The following SLC25A23 variants were observed in gnomAD, a reference collection of about 807,000 sequenced individuals.
SLC25A23 encodes the protein mitochondrial adenyl nucleotide antiporter SLC25A23.
SLC25A23 carries 32 observed loss-of-function variants against 53.9 expected under a neutral mutation model. That is an observed-to-expected ratio of 0.59 (90% CI 0.45 to 0.80). The LOEUF (loss-of-function observed/expected upper bound fraction) is 0.80. Among genes scored for constraint, SLC25A23 ranks in the 30% least tolerant of loss-of-function variants. The probability of loss-of-function intolerance (pLI) is 0.00; values close to 1 mark genes in which losing one functional copy is unlikely to be tolerated. For synonymous variants in SLC25A23, 275 were observed against 264.5 expected (o/e 1.04, Z -0.38); for missense variants, 575 against 651.4 (o/e 0.88, Z 1.28).
downstream of SLC25A23, chr19:6,438,773 T>C: frequency 3.0e-6 from 1 of 332,294 alleles, no homozygotes; most frequent in Non-Finnish European, 6.5e-6. Flanking sequence ...CGCTTGAACC[T>C]GGAAGGCAGA....
In SLC25A23 at chr19:6,454,418, G is replaced by T. The variant is rs776075903; in HGVS notation, c.700C>A (p.Leu234Ile). The stretch of plus-strand genomic sequence containing the variant: ...CACAGGGAGCGGATGCCTCCCTCAA[G>T]GACCATGCTTCGAAGCCCCCCAAGG... Reference protein sequence around the residue: ...NILGGLRSMVLEGGIRSLWRG... With the variant: ...NILGGLRSMVIEGGIRSLWRG... The change falls in exon 6 of 10, where the codon CTT becomes ATT. Residue 234 changes from leucine to isoleucine, a missense_variant. Physicochemically the swap from Leu to Ile is conservative, Grantham distance 5. Transcript: ENST00000301454. This position sits in a 1 kb window ranked among gnomAD's most constrained non-coding sequence, Gnocchi z 4.3. The T allele has an allele frequency of 1.9e-6, 3 of 1,614,060 alleles. No individual in the cohort carries two copies. Among genetic ancestry groups the T allele is most frequent in the Non-Finnish European group, 2.5e-6 (3 of 1,180,052 alleles).
At chr19:6,445,481 C>T (rs2092489839) in intron 8 of SLC25A23, among the ~76,000 whole-genome samples, 1 of 152,140 alleles carries the variant, frequency 6.6e-6, no homozygotes, top group Admixed American at 6.6e-5. Flanking sequence ...TTGGAAGATG[C>T]TATGCTACTG....
Position 6,458,321 on chromosome 19 carries a change from T to G in SLC25A23, c.160A>C (p.Ile54Leu). The change falls in exon 2 of 10, where the codon ATC (isoleucine) becomes CTC (leucine). Residue 54 changes from isoleucine (I) to leucine (L), a missense_variant. Transcript: ENST00000301454. Reference protein sequence around the residue: ...GNPDPGAQQGISSEGDADPDG... With the variant: ...GNPDPGAQQGLSSEGDADPDG... ...GGGTCAGCATCACCCTCAGAGGAGA[T>G]ACCCTGACAGAGGGAAAGGGGATAG... 1 of 1,612,492 alleles carries G rather than the reference T, an allele frequency of 6.2e-7. No homozygotes were observed. Among genetic ancestry groups the G allele is most frequent in the Non-Finnish European group, 8.5e-7 (1 of 1,179,812 alleles).
At chr19:6,436,204 CAGG>C, downstream of SLC25A23, 1 of 279,872 alleles carries the variant, frequency 3.6e-6, no homozygotes, top group Middle Eastern at 1.5e-3. Context: ...ATTAGGAACT[CAGG>C]AGCCGCTGAG....
At chr19:6,442,814 G>A (rs944480984) in intron 9 of SLC25A23, among the ~76,000 whole-genome samples, 1 of 152,052 alleles carries the variant, frequency 6.6e-6, no homozygotes, top group Non-Finnish European at 1.5e-5. Context: ...GCCTCCCAAA[G>A]TGCTGGGATT....
chr19:6,443,599 C>T (rs1233277729), intron 9 of SLC25A23: 6 of 702,730 alleles, frequency 8.5e-6, no homozygotes, highest in Non-Finnish European at 1.6e-5. Context: ...CTTCCTTCCT[C>T]TCCGGCCTGT....
At position 6,459,458 on chromosome 19, in the gene SLC25A23, T is replaced by C; in HGVS notation, c.156+15A>G. ...CGGGGCCGGGAGGGGAGGAGGTCCC[T>C]GGGGGTGGGGGTACCTGTTGGGCGC... On this transcript the variant is annotated intron_variant, in intron 1 of 9. Transcript: ENST00000301454. The surrounding 1 kb of genome is among the most constrained non-coding windows in gnomAD (Gnocchi z 4.6). 1.9e-6 allele frequency: 3 copies of C among 1,577,288 alleles called. No individual in the cohort carries two copies. The highest frequency in any genetic ancestry group is 2.6e-6 in the Non-Finnish European group (3 of 1,169,230).
At chr19:6,444,995 G>A (rs1211135542) in intron 8 of SLC25A23, among the ~76,000 whole-genome samples, 1 of 152,046 alleles carries the variant, frequency 6.6e-6, no homozygotes, top group African/African-American at 2.4e-5. Flanking sequence ...CAGAGATGGA[G>A]TGTCACTATG....
In SLC25A23 at chr19:6,452,654, G is replaced by T. The variant is rs1277772840; in HGVS notation, c.904-175C>A. On this transcript the variant is annotated intron_variant, in intron 7 of 9. Coordinates refer to ENST00000301454, the MANE Select transcript of SLC25A23 (RefSeq NM_024103.3). The stretch of plus-strand genomic sequence containing the variant: ...CCCCAAATCCCTATACCTAGAAATA[G>T]TTACACCTACCAAAGTGCACACATG... 5 of 675,864 alleles carry T rather than the reference G, an allele frequency of 7.4e-6. No individual in the cohort carries two copies. In the East Asian group the frequency reaches 1.2e-4, roughly 17 times the overall value. 41.9% of individuals were successfully genotyped at this position (675,864 alleles called of 1,614,324 possible).
chr19:6,459,470 T>C lies in SLC25A23; in HGVS notation c.156+3A>G. On this transcript the variant is annotated splice_donor_region_variant and intron_variant, in intron 1 of 9. Transcript: ENST00000301454. The surrounding 1 kb of genome is among the most constrained non-coding windows in gnomAD (Gnocchi z 4.6). ...GGGAGGAGGTCCCTGGGGGTGGGGGTACCTGTTGGGCGCCGGGGTCTGGGT... is the reference window on the plus strand; with the variant it reads ...GGGAGGAGGTCCCTGGGGGTGGGGGCACCTGTTGGGCGCCGGGGTCTGGGT... 6.3e-7 allele frequency: 1 copy of C among 1,583,642 alleles called. No individual in the cohort carries two copies. Among genetic ancestry groups the C allele is most frequent in the Non-Finnish European group, 8.5e-7 (1 of 1,172,478 alleles).
At chr19:6,438,850 CA>C (rs200860562), downstream of SLC25A23, 50 of 184,202 alleles carry the variant, frequency 2.7e-4, no homozygotes, top group South Asian at 6.9e-4. Context: ...ACTCCTATAT[CA>C]AAAAAAACAA....
rs747024230 is a variant in SLC25A23, at chr19:6,456,520, T to C, written c.383A>G (p.Asp128Gly). 1 of 1,609,014 alleles carries C rather than the reference T, an allele frequency of 6.2e-7. No homozygotes were observed. Among genetic ancestry groups the C allele is most frequent in the Non-Finnish European group, 8.5e-7 (1 of 1,177,878 alleles). ...AEKILHSMDR[D>G]GTMTIDWQEW... ...TTGCCAGTCAATGGTCATTGTGCCG[T>C]CTCGGTCCATGCTGGGGGGAAGAAA... Residue 128 changes from aspartate (D) to glycine (G), a missense_variant, in exon 4 of 10, where the codon GAC becomes GGC. Coordinates refer to ENST00000301454, the MANE Select transcript of SLC25A23 (RefSeq NM_024103.3).
Position 6,458,379 on chromosome 19 carries a change from G to A in SLC25A23, c.157-55C>T. The A allele has an allele frequency of 3.2e-6, 5 of 1,580,514 alleles. No homozygotes were observed. The South Asian group carries it at 4.5e-5, about 14-fold the overall frequency. ...TCCAGGAACCTGCTCCTGATCTGGA[G>A]GGGACGCATGTCACCTTATGCCTTA... On this transcript the variant is annotated intron_variant, in intron 1 of 9. Coordinates refer to ENST00000301454, the MANE Select transcript of SLC25A23 (RefSeq NM_024103.3).
At chr19:6,457,903 G>T (rs760941021) in intron 2 of SLC25A23, among the ~76,000 whole-genome samples, 1 of 152,106 alleles carries the variant, frequency 6.6e-6, no homozygotes, top group Non-Finnish European at 1.5e-5. Context: ...GCTATGAGGG[G>T]ATCTCTGTCC....
At chr19:6,451,769 T>C (rs1029496405) in intron 8 of SLC25A23, among the ~76,000 whole-genome samples, 5 of 151,302 alleles carry the variant, frequency 3.3e-5, no homozygotes, top group Admixed American at 1.3e-4. Flanking sequence ...TTAGAGACCG[T>C]GGCTGGGTCT....
At position 6,458,209 on chromosome 19, in the gene SLC25A23, C is replaced by T. The variant is rs549386407; in HGVS notation, c.272G>A (p.Arg91Gln). Residue 91 changes from arginine (R) to glutamine (Q), a missense_variant, in exon 2 of 10, where the codon CGG becomes CAG. Physicochemically the swap from Arg to Gln is conservative, Grantham distance 43 (BLOSUM62 1). Transcript: ENST00000301454. The stretch of plus-strand genomic sequence containing the variant: ...TCGCCCGACCTTACCATCCTGGTTC[C>T]GGTCAAGACTGTGAAACATGAGCAG... The part of the protein sequence containing the change: ...RLLLMFHSLD[R>Q]NQDGHIDVSE... The T allele has an allele frequency of 9.9e-6, 16 of 1,613,456 alleles. No individual in the cohort carries two copies. Among genetic ancestry groups the T allele is most frequent in the Admixed American group, 5.0e-5 (3 of 60,006 alleles).
In SLC25A23 at chr19:6,459,419, TA is replaced by T. The variant is rs2092729303; in HGVS notation, c.156+53del. On this transcript the variant is annotated intron_variant, in intron 1 of 9. Transcript: ENST00000301454. The surrounding 1 kb of genome is among the most constrained non-coding windows in gnomAD (Gnocchi z 4.6). Reference sequence around the variant, plus strand: ...CGGCCGCCCAGTTCAGGGGCTTGGGTAACCGGGAGCGGGCGGGGCCGGGAGG... The same window carrying T: ...CGGCCGCCCAGTTCAGGGGCTTGGGTACCGGGAGCGGGCGGGGCCGGGAGG... The T allele has an allele frequency of 2.7e-6, 4 of 1,485,200 alleles. No homozygotes were observed. In the African/African-American group the frequency reaches 5.7e-5, roughly 21 times the overall value. 92.0% of individuals were successfully genotyped at this position (1,485,200 alleles called of 1,614,324 possible).
chr19:6,452,276 G>A, intron 8 of SLC25A23, 36 bp downstream of exon 8: 1 of 1,578,634 alleles, frequency 6.3e-7, no homozygotes, highest in Non-Finnish European at 8.6e-7. Flanking sequence ...AAATCCCAGA[G>A]GGGAGCAGGG....
chr19:6,436,801 G>A (rs1172815393), downstream of SLC25A23, among the ~76,000 whole-genome samples: 1 of 150,306 alleles, frequency 6.7e-6, no homozygotes, highest in Non-Finnish European at 1.5e-5. Flanking sequence ...ACCCGCCTCG[G>A]CCTCCCAAAA....
Sources: allele counts gnomAD v4.1 joint callset (sites outside exome capture counted in the v4.1 genomes callset), GRCh38; gene constraint gnomAD v4.1.1; non-coding constraint Gnocchi (gnomAD v3.1); transcripts MANE v1.5; gene names NCBI Gene and HGNC (gene_info 2026-07-23, HGNC 2026-07-21).